The following RLN1 variants were observed in gnomAD, a reference collection of about 807,000 sequenced individuals.
The protein encoded by RLN1 is relaxin 1.
A neutral mutation model predicts 7.2 loss-of-function variants in RLN1; 4 were observed. The observed-to-expected ratio is 0.56, with a 90% CI of 0.28 to 1.28. The LOEUF is 1.28. RLN1 is among the 50% of genes most tolerant of loss of function. The pLI, the probability that RLN1 is intolerant of heterozygous loss-of-function variation, is 0.11. For missense variants in RLN1, 293 were observed against 221.1 expected (o/e 1.32, Z -2.06); for synonymous variants, 105 against 86.0 (o/e 1.22, Z -1.22).
At chr9:5,339,312 C>G in intron 1 of RLN1, 1 of 427,822 alleles carries the variant, frequency 2.3e-6, no homozygotes, top group Non-Finnish European at 3.9e-6. Flanking sequence ...GTTCTCAGTG[C>G]TTTCCCTCCG....
At chr9:5,336,902 T>C (rs1290206240) in intron 1 of RLN1, among the ~76,000 whole-genome samples, 1 of 152,006 alleles carries the variant, frequency 6.6e-6, no homozygotes, top group East Asian at 1.9e-4. Flanking sequence ...CTGGGGCTGA[T>C]CATTTCCTGA....
chr9:5,335,349 C>A lies in RLN1; in HGVS notation c.460G>T (p.Asp154Tyr). 6.2e-7 allele frequency: 1 copy of A among 1,613,358 alleles called. No homozygotes were observed. The change falls in exon 2 of 2, where the codon GAT (aspartate) becomes TAT (tyrosine). Residue 154 changes from aspartate to tyrosine, a missense_variant. Asp to Tyr is a radical substitution (Grantham distance 160, BLOSUM62 -3). Coordinates refer to ENST00000223862, the MANE Select transcript of RLN1 (RefSeq NM_006911.4). ...NPSELKYLGL[D>Y]THSQKKRRPY... ...CGTCTCTTTTTTTGAGAATGAGTAT[C>A]CAAGCCTAAGTATTTTAATTCTGAA...
intron 1 of RLN1, among the ~76,000 whole-genome samples, chr9:5,336,968 T>C (rs1424261868): frequency 6.6e-6 from 1 of 151,884 alleles, no homozygotes; most frequent in East Asian, 1.9e-4. Context: ...ACTTCAACAG[T>C]TGGAGTTTGA....
At chr9:5,336,143 A>T (rs1816887231) in intron 1 of RLN1, among the ~76,000 whole-genome samples, 1 of 152,094 alleles carries the variant, frequency 6.6e-6, no homozygotes, top group South Asian at 2.1e-4. Flanking sequence ...AATCAGCAGG[A>T]GAAGGAAATC....
At position 5,335,317 on chromosome 9, in the gene RLN1, G is replaced by A. The variant is rs781073032; in HGVS notation, c.492C>T (p.Tyr164=). ...GGCAACATTTCTCAAACAGTGCCACGTAGGGTCGTCTCTTTTTTTGAGAAT... is the reference window on the plus strand; with the variant it reads ...GGCAACATTTCTCAAACAGTGCCACATAGGGTCGTCTCTTTTTTTGAGAAT... The part of the protein sequence containing the change: ...DTHSQKKRRP[Y]VALFEKCCLI... The change falls in exon 2 of 2, where the codon TAC becomes TAT. Residue 164 remains tyrosine (Y), a synonymous_variant. Coordinates refer to ENST00000223862, the MANE Select transcript of RLN1 (RefSeq NM_006911.4). 6 of 1,611,512 alleles carry A rather than the reference G, an allele frequency of 3.7e-6. No homozygotes were observed. The highest frequency in any genetic ancestry group is 1.7e-5 in the Admixed American group (1 of 59,528).
At chr9:5,336,446 G>C (rs1168790608) in intron 1 of RLN1, among the ~76,000 whole-genome samples, 1 of 151,932 alleles carries the variant, frequency 6.6e-6, no homozygotes, top group South Asian at 2.1e-4. Flanking sequence ...CTGGGACTTG[G>C]GCTGGGAACC....
intron 1 of RLN1, chr9:5,339,259 T>G: frequency 3.5e-6 from 1 of 286,316 alleles, no homozygotes; most frequent in Non-Finnish European, 6.0e-6. Context: ...CTGACTGCCT[T>G]ACGGAAAGGG....
chr9:5,335,708 A>G (rs1313558965), intron 1 of RLN1, 111 bp from the exon 2 acceptor site: 1 of 672,402 alleles, frequency 1.5e-6, no homozygotes, highest in Non-Finnish European at 2.5e-6. Context: ...GCCTCAATAT[A>G]AATTAAACAT....
intron 1 of RLN1, 192 bp downstream of exon 1, chr9:5,339,344 A>G: frequency 2.0e-6 from 1 of 492,544 alleles, no homozygotes; most frequent in Non-Finnish European, 3.4e-6. Context: ...TCCCAGTGAG[A>G]CTGTTTGAAT....
chr9:5,335,468 T>C lies in RLN1; in HGVS notation c.341A>G (p.Gln114Arg). The C allele has an allele frequency of 6.2e-7, 1 of 1,613,636 alleles. No homozygotes were observed. Among genetic ancestry groups the C allele is most frequent in the Non-Finnish European group, 8.5e-7 (1 of 1,179,666 alleles). Reference sequence around the variant, plus strand: ...GGAATCCTTTAATGCAGGTACATACTGCTGTAGCTCTGGTAATGATGGTTG... The same window carrying C: ...GGAATCCTTTAATGCAGGTACATACCGCTGTAGCTCTGGTAATGATGGTTG... The part of the protein sequence containing the change: ...ERQPSLPELQ[Q>R]YVPALKDSNL... The change falls in exon 2 of 2, where the codon CAG becomes CGG. Residue 114 changes from glutamine (Q) to arginine (R), a missense_variant. By Grantham distance (43) the Gln-to-Arg change is conservative. Coordinates refer to ENST00000223862, the MANE Select transcript of RLN1 (RefSeq NM_006911.4).
chr9:5,335,526 G>A lies in RLN1; in HGVS notation c.283C>T (p.Pro95Ser), dbSNP rs1278556401. 3 of 1,612,910 alleles carry A rather than the reference G, an allele frequency of 1.9e-6. No individual in the cohort carries two copies. Among genetic ancestry groups the A allele is most frequent in the Non-Finnish European group, 2.5e-6 (3 of 1,179,280 alleles). The change falls in exon 2 of 2, where the codon CCA (proline) becomes TCA (serine). Residue 95 changes from proline (P) to serine (S), a missense_variant. Pro to Ser is a moderately conservative substitution (Grantham distance 74). Coordinates refer to ENST00000223862, the MANE Select transcript of RLN1 (RefSeq NM_006911.4). ...IIMLEFIANL[P>S]PELKAALSER... ...GATAGGGCTGCCTTCAGCTCCGGTG[G>A]CAAATTAGCAATGAATTCCAACATG...
rs748011986 is a variant in RLN1 at position 5,339,758 on chromosome 9, T to G, written c.-12A>C. The G allele has an allele frequency of 9.3e-6, 15 of 1,613,514 alleles. No homozygotes were observed. In the Admixed American group the frequency reaches 1.2e-4, roughly 13 times the overall value. On this transcript the variant is annotated 5_prime_UTR_variant, in exon 1 of 2. Transcript: ENST00000223862. ...AACAGGCGAGGCATCCTGGGCCTGG[T>G]CTCTCCTGGAGGTCTGGGTGTTGCA...
At chr9:5,336,481 A>C (rs1230927285) in intron 1 of RLN1, among the ~76,000 whole-genome samples, 8 of 151,918 alleles carry the variant, frequency 5.3e-5, no homozygotes, top group South Asian at 4.1e-4. Flanking sequence ...CTGACATCTT[A>C]CTCCATCTTT....
Position 5,335,568 on chromosome 9 carries a change from T to C in RLN1, c.241A>G (p.Thr81Ala), listed in dbSNP as rs748927755. 3 of 1,610,370 alleles carry C rather than the reference T, an allele frequency of 1.9e-6. No individual in the cohort carries two copies. Among genetic ancestry groups the C allele is most frequent in the East Asian group, 4.5e-5 (2 of 44,850 alleles). Residue 81 changes from threonine (T) to alanine (A), a missense_variant, in exon 2 of 2, where the codon ACA (threonine) becomes GCA (alanine). Physicochemically the swap from Thr to Ala is moderately conservative, Grantham distance 58 (BLOSUM62 0). Transcript: ENST00000223862. ...TCCAACATGATAATTATAGTTTCTG[T>C]ATCTTTGTTGATGAAGGATGGTACA... is the stretch of plus-strand genomic sequence containing the variant. ...EIVPSFINKD[T>A]ETIIIMLEFI... is the part of the protein sequence containing the mutation.
At position 5,339,645 on chromosome 9, in the gene RLN1, T is replaced by C; in HGVS notation, c.102A>G (p.Leu34=). The change falls in exon 1 of 2, where the codon TTA becomes TTG. Residue 34 remains leucine, a synonymous_variant. Transcript: ENST00000223862. ...GCGCGCGAACTAATTCGCGGCCGCATAATTTAATAACATCGTCCTTCCATT... is the reference window on the plus strand; with the variant it reads ...GCGCGCGAACTAATTCGCGGCCGCACAATTTAATAACATCGTCCTTCCATT... ...AAKWKDDVIK[L]CGRELVRAQI... is the part of the protein sequence containing the mutation. The C allele has an allele frequency of 6.2e-7, 1 of 1,612,838 alleles. No individual in the cohort carries two copies. The highest frequency in any genetic ancestry group is 8.5e-7 in the Non-Finnish European group (1 of 1,180,012).
chr9:5,335,568 T>A lies in RLN1; in HGVS notation c.241A>T (p.Thr81Ser), dbSNP rs748927755. 1 of 1,610,488 alleles carries A rather than the reference T, an allele frequency of 6.2e-7. No homozygotes were observed. The highest frequency in any genetic ancestry group is 8.5e-7 in the Non-Finnish European group (1 of 1,178,160). ...EIVPSFINKD[T>S]ETIIIMLEFI... ...TCCAACATGATAATTATAGTTTCTG[T>A]ATCTTTGTTGATGAAGGATGGTACA... Residue 81 changes from threonine to serine, a missense_variant, in exon 2 of 2, where the codon ACA becomes TCA. By Grantham distance (58) the Thr-to-Ser change is moderately conservative. Transcript: ENST00000223862.
chr9:5,336,090 G>A lies in RLN1; in HGVS notation c.212-493C>T, dbSNP rs1223993385. On this transcript the variant is annotated intron_variant, in intron 1 of 1. Transcript: ENST00000223862. ...GTTTCGTGGTGGGAATTTACTCCTG[G>A]AGGATAAAGTTAAAGAGGCAGCATT... Among the ~76,000 whole-genome samples the A allele has an allele frequency of 9.2e-5, 14 of 152,082 alleles. No homozygotes were observed. In the East Asian group the frequency reaches 2.5e-3, roughly 27 times the overall value.
upstream of RLN1, chr9:5,339,961 T>A (rs1816959152): frequency 1.7e-6 from 1 of 595,204 alleles, no homozygotes; most frequent in Admixed American, 3.0e-5. Context: ...ATTTTCTCCT[T>A]CAGCTCTTGT....
Position 5,335,288 on chromosome 9 carries a change from A to G in RLN1, c.521T>C (p.Ile174Thr), listed in dbSNP as rs906935883. Residue 174 changes from isoleucine (I) to threonine (T), a missense_variant, in exon 2 of 2, where the codon ATT (isoleucine) becomes ACT (threonine). Physicochemically the swap from Ile to Thr is moderately conservative, Grantham distance 89 (BLOSUM62 -1). Transcript: ENST00000223862. Reference protein sequence around the residue: ...YVALFEKCCLIGCTKRSLAKY... With the variant: ...YVALFEKCCLTGCTKRSLAKY... ...AGCAAGAGACCTTTTGGTACAACCA[A>G]TTAGGCAACATTTCTCAAACAGTGC... 1 of 1,601,096 alleles carries G rather than the reference A, an allele frequency of 6.2e-7. No homozygotes were observed. Among genetic ancestry groups the G allele is most frequent in the East Asian group, 2.2e-5 (1 of 44,812 alleles).
Sources: gnomAD v4.1 joint callset for allele counts (sites outside exome capture counted in the v4.1 genomes callset) on GRCh38, gnomAD v4.1.1 for gene constraint, MANE v1.5 for transcripts, NCBI Gene and HGNC (gene_info 2026-07-23, HGNC 2026-07-21) for gene names.